Variants in ADCK5 observed in about 807,000 individuals in gnomAD.
The protein encoded by ADCK5 is uncharacterized aarF domain-containing protein kinase 5.
A neutral mutation model predicts 64.9 loss-of-function variants in ADCK5; 43 were observed. That is an observed-to-expected ratio of 0.66 (90% CI 0.52 to 0.85). The LOEUF is 0.85. ADCK5 is among the 40% of genes least tolerant of loss of function. ADCK5 has a pLI of 0.00. For synonymous variants in ADCK5, 434 were observed against 342.8 expected, an observed-to-expected ratio of 1.27 and a Z score of -2.94; for missense variants, 760 against 810.5, an observed-to-expected ratio of 0.94 and a Z score of 0.76.
chr8:144,379,075 G>C (rs782260554), intron 1 of ADCK5, among the ~76,000 whole-genome samples: 1 of 151,602 alleles, frequency 6.6e-6, no homozygotes, highest in Admixed American at 6.6e-5. Context: ...CTGGGATTAC[G>C]TACATGCACC....
chr8:144,391,504 G>A (rs782338295), intron 7 of ADCK5, 30 bp downstream of exon 7: 20 of 1,597,532 alleles, frequency 1.3e-5, no homozygotes, highest in Admixed American at 1.7e-5. Flanking sequence ...CCGGCCAGCA[G>A]GAGCAAACAC....
rs1248613255 is a variant in ADCK5 at position 144,393,186 on chromosome 8, G to C, written c.*112G>C. 2 of 1,350,426 alleles carry C rather than the reference G, an allele frequency of 1.5e-6. No homozygotes were observed. Among genetic ancestry groups the C allele is most frequent in the East Asian group, 5.1e-5 (2 of 39,540 alleles). 83.7% of individuals were successfully genotyped at this position (1,350,426 alleles called of 1,614,324 possible). ...GTGGGCACTCGCACTGGGGGGCTGT[G>C]ACAGCAGCTGGGCCAGGAGGCCGTG... is the stretch of plus-strand genomic sequence containing the variant. On this transcript the variant is annotated 3_prime_UTR_variant, in exon 15 of 15. Coordinates refer to ENST00000308860, the MANE Select transcript of ADCK5 (RefSeq NM_174922.5).
intron 3 of ADCK5, among the ~76,000 whole-genome samples, chr8:144,383,646 G>A (rs537511386): frequency 6.6e-6 from 1 of 152,348 alleles, no homozygotes; most frequent in South Asian, 2.1e-4. Context: ...AGAGGAGGCT[G>A]CCTCTGTCCC....
At position 144,392,308 on chromosome 8, in the gene ADCK5, C is replaced by T. The variant is rs782292939; in HGVS notation, c.1230C>T (p.Ala410=). The change falls in exon 12 of 15, where the codon GCC becomes GCT. Residue 410 remains alanine, a synonymous_variant. Transcript: ENST00000308860. ...LWRAIILRDD[A]AMRAHAAALG... is the part of the protein sequence containing the mutation. ...GGGCCATCATCCTGCGGGACGACGC[C>T]GCCATGAGGGCGCACGCAGCCGCAC... is the stretch of plus-strand genomic sequence containing the variant. 31 of 1,504,518 alleles carry T rather than the reference C, an allele frequency of 2.1e-5. No homozygotes were observed. The highest frequency in any genetic ancestry group is 4.1e-5 in the Admixed American group (2 of 48,852). The allele number at this position is 1,504,518 out of a possible 1,614,324, so 93.2% of individuals were successfully genotyped here. A position where few individuals can be genotyped will look rare whatever the true frequency, so the allele number is the denominator to read the frequency against.
intron 1 of ADCK5, 90 bp downstream of exon 1, chr8:144,374,197 G>A (rs1586569802): frequency 8.5e-7 from 1 of 1,183,120 alleles, no homozygotes; most frequent in Non-Finnish European, 1.1e-6. Context: ...CCGCCCTAGA[G>A]ACCCTCGGGG....
At chr8:144,378,048 G>A (rs1819443780) in intron 1 of ADCK5, among the ~76,000 whole-genome samples, 1 of 152,238 alleles carries the variant, frequency 6.6e-6, no homozygotes, top group South Asian at 2.1e-4. Context: ...AGACTGAGGG[G>A]ACATTCAGAG....
intron 1 of ADCK5, among the ~76,000 whole-genome samples, chr8:144,374,896 G>T (rs919075506): frequency 1.1e-4 from 17 of 152,356 alleles, no homozygotes; most frequent in Non-Finnish European, 1.0e-4. Flanking sequence ...ACTGCGGGGG[G>T]GCGGGGCAGA....
intron 1 of ADCK5, among the ~76,000 whole-genome samples, chr8:144,379,133 A>C (rs184183101): frequency 2.0e-5 from 3 of 151,992 alleles, no homozygotes; most frequent in Non-Finnish European, 2.9e-5. Flanking sequence ...GGGTTTCACC[A>C]TGTTGATCAG....
chr8:144,383,326 G>C (rs1306858016), intron 3 of ADCK5, 96 bp downstream of exon 3: 15 of 1,427,062 alleles, frequency 1.1e-5, no homozygotes, highest in African/African-American at 1.4e-5. Flanking sequence ...CAGACGAGGG[G>C]CGTGAGCCTG....
chr8:144,374,160 G>T, intron 1 of ADCK5, 53 bp downstream of exon 1: 1 of 1,246,168 alleles, frequency 8.0e-7, no homozygotes, highest in Non-Finnish European at 1.0e-6. Context: ...CAGCCCCAGA[G>T]ACCCGAGACC....
chr8:144,380,274 G>A (rs1554857908), intron 2 of ADCK5, among the ~76,000 whole-genome samples: 1 of 143,936 alleles, frequency 6.9e-6, no homozygotes, highest in South Asian at 2.2e-4. Flanking sequence ...ACCTCCCGCA[G>A]TCAGAATTAT....
At chr8:144,373,739 G>T (rs891890643), upstream of ADCK5, 6 of 289,388 alleles carry the variant, frequency 2.1e-5, no homozygotes, top group East Asian at 3.4e-4. Context: ...ATACCGGGCC[G>T]TGAGGACCTC....
intron 3 of ADCK5, among the ~76,000 whole-genome samples, chr8:144,390,136 G>T (rs1820141006): frequency 6.6e-6 from 1 of 151,312 alleles, no homozygotes; most frequent in South Asian, 2.1e-4. Flanking sequence ...CAGCTCTGCA[G>T]ATCTTTTTTG....
At chr8:144,385,372 CAG>C (rs550083625) in intron 3 of ADCK5, among the ~76,000 whole-genome samples, 2 of 151,712 alleles carry the variant, frequency 1.3e-5, no homozygotes, top group Non-Finnish European at 2.9e-5. Flanking sequence ...TTAGTAGAGA[CAG>C]GGTTTCGTCA....
intron 3 of ADCK5, among the ~76,000 whole-genome samples, chr8:144,389,932 A>C (rs782536324): frequency 6.8e-6 from 1 of 146,894 alleles, no homozygotes. Context: ...GGGTTCAAGC[A>C]ATTCTCCTGC....
At position 144,388,498 on chromosome 8, in the gene ADCK5, C is replaced by T. The variant is rs528096052; in HGVS notation, c.267-2173C>T. The stretch of plus-strand genomic sequence containing the variant: ...GAAAAGTTAGAGCCGGGCACGGTGG[C>T]TCACGCCTGTAATCCCAGCACTTTG... On this transcript the variant is annotated intron_variant, in intron 3 of 14. Transcript: ENST00000308860. Among the ~76,000 whole-genome samples, 994 of 151,378 alleles carry T rather than the reference C, an allele frequency of 6.6e-3. 9 individuals carry two copies. The highest frequency in any genetic ancestry group is 9.9e-3 in the Non-Finnish European group (673 of 67,874).
At chr8:144,387,276 C>T (rs537259866) in intron 3 of ADCK5, among the ~76,000 whole-genome samples, 3 of 152,320 alleles carry the variant, frequency 2.0e-5, no homozygotes, top group Admixed American at 1.3e-4. Flanking sequence ...AGGAGTGACA[C>T]TGCTTCTGTC....
chr8:144,390,555 T>G lies in ADCK5; in HGVS notation c.267-116T>G, dbSNP rs1554860161. On this transcript the variant is annotated intron_variant, in intron 3 of 14. Coordinates refer to ENST00000308860, the MANE Select transcript of ADCK5 (RefSeq NM_174922.5). ...GCTGGACCCTGGCTTGGCCTCACCCTTGGGACATGAAGGGCTGGCCGGGGT... is the reference window on the plus strand; with the variant it reads ...GCTGGACCCTGGCTTGGCCTCACCCGTGGGACATGAAGGGCTGGCCGGGGT... 3 of 1,138,876 alleles carry G rather than the reference T, an allele frequency of 2.6e-6. No homozygotes were observed. The African/African-American group carries it at 4.6e-5, about 17-fold the overall frequency. 70.5% of individuals were successfully genotyped at this position (1,138,876 alleles called of 1,614,324 possible). A position where few individuals can be genotyped will look rare whatever the true frequency, so the allele number is the denominator to read the frequency against.
chr8:144,386,692 G>C (rs1819941625), intron 3 of ADCK5, among the ~76,000 whole-genome samples: 2 of 152,296 alleles, frequency 1.3e-5, no homozygotes, highest in South Asian at 2.1e-4. Flanking sequence ...TAATACTTGG[G>C]CGGGATTGAT....
Sources: allele counts gnomAD v4.1 joint callset (sites outside exome capture counted in the v4.1 genomes callset), GRCh38; gene constraint gnomAD v4.1.1; transcripts MANE v1.5; gene names NCBI Gene and HGNC (gene_info 2026-07-23, HGNC 2026-07-21).